ATG4B: variants seen among roughly 807,000 people sequenced by gnomAD.
ATG4B encodes cysteine protease ATG4B.
ATG4B carries 29 observed loss-of-function variants against 56.6 expected under a neutral mutation model. The observed-to-expected ratio is 0.51, with a 90% CI of 0.38 to 0.70. The LOEUF is 0.70. ATG4B is among the 30% of genes least tolerant of loss of function. The pLI, the probability that ATG4B is intolerant of heterozygous loss-of-function variation, is 0.00. For synonymous variants in ATG4B, 224 were observed against 206.1 expected, an observed-to-expected ratio of 1.09 and a Z score of -0.74; for missense variants, 461 against 515.5, an observed-to-expected ratio of 0.89 and a Z score of 1.02.
At chr2:241,655,371 A>G in intron 6 of ATG4B, 28 bp downstream of exon 6, 3 of 1,587,718 alleles carry the variant, frequency 1.9e-6, no homozygotes, top group South Asian at 1.1e-5. Flanking sequence ...ACTGCTGAGC[A>G]TGGGGCAGCA....
chr2:241,656,671 T>TC (rs2068414296), intron 6 of ATG4B, among the ~76,000 whole-genome samples: 1 of 152,214 alleles, frequency 6.6e-6, no homozygotes, highest in Non-Finnish European at 1.5e-5. Flanking sequence ...GTCCCTGGAC[T>TC]CCAAGCTCAG....
intron 10 of ATG4B, 121 bp from the exon 11 acceptor site, chr2:241,670,605 T>C: frequency 1.1e-6 from 1 of 932,176 alleles, no homozygotes; most frequent in Non-Finnish European, 1.7e-6. Flanking sequence ...CAGGCTGGAA[T>C]GTCCAGCACC....
At position 241,651,892 on chromosome 2, in the gene ATG4B, CATT is replaced by C. The variant is rs1456326920; in HGVS notation, c.184+558_184+560del. The C allele has an allele frequency of 1.7e-5, 22 of 1,303,972 alleles. No individual in the cohort carries two copies. The highest frequency in any genetic ancestry group is 5.5e-5 in the East Asian group (1 of 18,032). The allele number at this position is 1,303,972 out of a possible 1,614,324, so 80.8% of individuals were successfully genotyped here. A position where few individuals can be genotyped will look rare whatever the true frequency, so the allele number is the denominator to read the frequency against. ...GTGCATTCTGTTAAAAGCCATTCAT[CATT>C]GTTGTATACCCTGGAGCTGGAAGGA... is the stretch of plus-strand genomic sequence containing the variant. On this transcript the variant is annotated intron_variant, in intron 3 of 12. Transcript: ENST00000404914. The surrounding 1 kb of genome is among the most constrained non-coding windows in gnomAD (Gnocchi z 4.1).
intron 7 of ATG4B, among the ~76,000 whole-genome samples, chr2:241,663,627 TAACTG>T (rs550240354): frequency 1.8e-4 from 27 of 152,066 alleles, no homozygotes; most frequent in Non-Finnish European, 3.2e-4. Context: ...AAAGCAAAAT[TAACTG>T]AAGAAACCAA....
At chr2:241,659,760 G>C in intron 7 of ATG4B, 1 of 173,230 alleles carries the variant, frequency 5.8e-6, no homozygotes, top group Non-Finnish European at 1.3e-5. Context: ...GCCAAGCTGA[G>C]AACTCTTAAA....
At chr2:241,669,396 C>A (rs377127742) in intron 10 of ATG4B, among the ~76,000 whole-genome samples, 1 of 152,236 alleles carries the variant, frequency 6.6e-6, no homozygotes, top group Non-Finnish European at 1.5e-5. Context: ...TGAAATGGGA[C>A]GGTCTCTGAG....
chr2:241,644,574 G>A (rs1575058423), intron 1 of ATG4B, among the ~76,000 whole-genome samples: 3 of 152,294 alleles, frequency 2.0e-5, no homozygotes, highest in Admixed American at 2.0e-4. Flanking sequence ...AACCTCAGTA[G>A]GAATCAGAAG....
rs1020719518 is a variant in ATG4B at position 241,672,983 on chromosome 2, CAG to C, written c.*722_*723del. On this transcript the variant is annotated 3_prime_UTR_variant, in exon 13 of 13. Transcript: ENST00000404914. ...TGGAGCTGCTGCTGGAGCCTGCCCT[CAG>C]AGTGTCCCTTTCCAGTGCTGTGGCA... 4.2e-5 allele frequency: 7 copies of C among 165,226 alleles called. No homozygotes were observed. Among genetic ancestry groups the C allele is most frequent in the African/African-American group, 9.6e-5 (4 of 41,802 alleles). 10.2% of individuals were successfully genotyped at this position (165,226 alleles called of 1,614,324 possible). A position where few individuals can be genotyped will look rare whatever the true frequency, so the allele number is the denominator to read the frequency against.
At chr2:241,637,837 A>G (rs1343025492) in intron 1 of ATG4B, 113 bp downstream of exon 1, 8 of 1,062,550 alleles carry the variant, frequency 7.5e-6, no homozygotes, top group Non-Finnish European at 9.4e-6. Flanking sequence ...GGTGCGGGCC[A>G]GGCTGGGCCG....
chr2:241,659,053 A>T (rs1388306583), intron 6 of ATG4B, 55 bp from the exon 7 acceptor site: 2 of 1,407,950 alleles, frequency 1.4e-6, no homozygotes, highest in Non-Finnish European at 9.7e-7. Flanking sequence ...AGCTGCAAAG[A>T]TGAACCGTCT....
chr2:241,659,337 G>A, intron 7 of ATG4B, 150 bp downstream of exon 7: 1 of 735,714 alleles, frequency 1.4e-6, no homozygotes, highest in Non-Finnish European at 2.4e-6. Flanking sequence ...CGCCAAGCCA[G>A]ATGCACGGTG....
At chr2:241,666,270 C>T (rs575565120) in intron 7 of ATG4B, among the ~76,000 whole-genome samples, 4 of 152,294 alleles carry the variant, frequency 2.6e-5, no homozygotes, top group South Asian at 2.1e-4. Context: ...CGAGGAAAGG[C>T]GTTGCTGAGG....
intron 3 of ATG4B, chr2:241,652,002 C>T (rs1249218023): frequency 3.1e-6 from 4 of 1,298,638 alleles, no homozygotes; most frequent in Non-Finnish European, 4.1e-6. Flanking sequence ...GTCATGCTTC[C>T]TCAGTGCCAG....
At chr2:241,664,721 C>T (rs1234865770) in intron 7 of ATG4B, among the ~76,000 whole-genome samples, 4 of 152,006 alleles carry the variant, frequency 2.6e-5, no homozygotes, top group Non-Finnish European at 4.4e-5. Flanking sequence ...CTCAGCACTT[C>T]GGGAGGCTGA....
rs1042208599 is a variant in ATG4B at position 241,668,388 on chromosome 2, C to T, written c.812-152C>T. On this transcript the variant is annotated intron_variant, in intron 9 of 12. Coordinates refer to ENST00000404914, the MANE Select transcript of ATG4B (RefSeq NM_013325.5). The surrounding 1 kb of genome is among the most constrained non-coding windows in gnomAD (Gnocchi z 4.2). ...CGGGCGGCCTCCTGTGTGCCCCTTT[C>T]CCTGATGGTCTGGTGCCCTCGGCTC... is the stretch of plus-strand genomic sequence containing the variant. 1.5e-5 allele frequency: 20 copies of T among 1,368,412 alleles called. No individual in the cohort carries two copies. The highest frequency in any genetic ancestry group is 1.0e-4 in the African/African-American group (7 of 69,254). The allele number at this position is 1,368,412 out of a possible 1,614,324, so 84.8% of individuals were successfully genotyped here. A position where few individuals can be genotyped will look rare whatever the true frequency, so the allele number is the denominator to read the frequency against.
intron 6 of ATG4B, 106 bp from the exon 7 acceptor site, chr2:241,659,002 C>G: frequency 1.3e-6 from 1 of 782,186 alleles, no homozygotes; most frequent in Non-Finnish European, 2.0e-6. Flanking sequence ...CCTTCTCATC[C>G]GAGAAGCACC....
chr2:241,672,237 T>C lies in ATG4B; in HGVS notation c.1155T>C (p.Asp385=). 1 of 1,583,310 alleles carries C rather than the reference T, an allele frequency of 6.3e-7. No individual in the cohort carries two copies. The highest frequency in any genetic ancestry group is 1.8e-5 in the Admixed American group (1 of 55,150). ...TGGAAAGATTCTTCGACTCAGAAGA[T>C]GAAGACTTTGAAATCCTGTCCCTTT... ...ERLERFFDSE[D]EDFEILSL is the part of the protein sequence containing the mutation. Residue 385 remains aspartate, a synonymous_variant, in exon 13 of 13, where the codon GAT becomes GAC. Transcript: ENST00000404914.
At chr2:241,652,704 GC>G (rs2068260286) in intron 3 of ATG4B, among the ~76,000 whole-genome samples, 1 of 152,172 alleles carries the variant, frequency 6.6e-6, no homozygotes, top group Admixed American at 6.5e-5. Flanking sequence ...CAGCAGTGGA[GC>G]GAGGGTGACC....
intron 7 of ATG4B, among the ~76,000 whole-genome samples, chr2:241,665,150 A>G (rs891588487): frequency 6.6e-6 from 1 of 152,234 alleles, no homozygotes; most frequent in Non-Finnish European, 1.5e-5. Context: ...CTGTCTCAGA[A>G]TCCTTGTTTT....
Sources: gnomAD v4.1 joint callset for allele counts (sites outside exome capture counted in the v4.1 genomes callset) on GRCh38, gnomAD v4.1.1 for gene constraint, Gnocchi (gnomAD v3.1) non-coding constraint, MANE v1.5 for transcripts, NCBI Gene and HGNC (gene_info 2026-07-23, HGNC 2026-07-21) for gene names.